The following SLC44A5 variants were observed in gnomAD, a reference collection of about 807,000 sequenced individuals.
SLC44A5 encodes solute carrier family 44 member 5, also known as choline transporter-like protein 5.
Under a neutral mutation model 101.8 loss-of-function variants are expected in SLC44A5, and 57 were observed. The observed-to-expected ratio is 0.56, with a 90% CI of 0.45 to 0.70. The LOEUF is 0.70. Among genes scored for constraint, SLC44A5 ranks in the 30% least tolerant of loss-of-function variants. The pLI is 0.00. For synonymous variants in SLC44A5, 281 were observed against 290.9 expected (o/e 0.97, Z 0.35); for missense variants, 737 against 853.1 (o/e 0.86, Z 1.70).
chr1:75,470,751 T>G (rs1667061793), intron 2 of SLC44A5, among the ~76,000 whole-genome samples: 2 of 149,518 alleles, frequency 1.3e-5, no homozygotes, highest in Non-Finnish European at 3.0e-5. Context: ...GTCGAAAAAC[T>G]GAGATAAGTA....
chr1:75,248,072 C>T (rs891116547), intron 7 of SLC44A5, among the ~76,000 whole-genome samples: 1 of 152,004 alleles, frequency 6.6e-6, no homozygotes, highest in East Asian at 1.9e-4. Flanking sequence ...TAGGGTGAGA[C>T]AGGAACCAAA....
intron 4 of SLC44A5, among the ~76,000 whole-genome samples, chr1:75,329,977 T>G (rs780897005): frequency 6.6e-6 from 1 of 151,966 alleles, no homozygotes; most frequent in Non-Finnish European, 1.5e-5. Context: ...CTGGTTCATG[T>G]AATTTAGGTA....
chr1:75,621,300 A>G, the SLC44A5 span, among the ~76,000 whole-genome samples: 3 of 152,206 alleles, frequency 2.0e-5, no homozygotes, highest in Admixed American at 6.5e-5. Flanking sequence ...CATTAGTTAC[A>G]TGTCGTATAA....
intron 1 of SLC44A5, among the ~76,000 whole-genome samples, chr1:75,552,418 C>T (rs115771591): frequency 6.6e-6 from 1 of 151,988 alleles, no homozygotes; most frequent in African/African-American, 2.4e-5. Flanking sequence ...AAATCAGTCA[C>T]TAACTTGCTT....
At chr1:75,544,607 C>T (rs1270185646) in intron 1 of SLC44A5, among the ~76,000 whole-genome samples, 1 of 152,144 alleles carries the variant, frequency 6.6e-6, no homozygotes, top group African/African-American at 2.4e-5. Flanking sequence ...GTGTTCATTT[C>T]CCAATAAAGA....
In SLC44A5 at chr1:75,572,096, T is replaced by C. The variant is rs532102782; in HGVS notation, c.-69-30580A>G. Reference sequence around the variant, plus strand: ...ATAAAGATCTTTGTGGTTTGCAAGATCTCATTCATTTTATCTCCTGTGTAC... The same window carrying C: ...ATAAAGATCTTTGTGGTTTGCAAGACCTCATTCATTTTATCTCCTGTGTAC... On this transcript the variant is annotated intron_variant, in intron 1 of 23. Transcript: ENST00000370859. 5.9e-5 allele frequency among the ~76,000 whole-genome samples: 9 copies of C among 152,342 alleles called. No homozygotes were observed. The South Asian group carries it at 1.9e-3, about 32-fold the overall frequency.
the SLC44A5 span, among the ~76,000 whole-genome samples, chr1:75,655,224 T>C: frequency 6.6e-6 from 1 of 152,142 alleles, no homozygotes; most frequent in Non-Finnish European, 1.5e-5. Context: ...GACAAAATAA[T>C]CTGTTCACCA....
chr1:75,385,748 A>T lies in SLC44A5; in HGVS notation c.52+10835T>A, dbSNP rs535706056. Among the ~76,000 whole-genome samples the T allele has an allele frequency of 2.0e-5, 3 of 152,260 alleles. No individual in the cohort carries two copies. The East Asian group carries it at 5.8e-4, about 29-fold the overall frequency. On this transcript the variant is annotated intron_variant, in intron 3 of 23. Coordinates refer to ENST00000370859, the MANE Select transcript of SLC44A5 (RefSeq NM_001130058.2). Reference sequence around the variant, plus strand: ...TCTGATACCAAAGCCGGGCAGAGACACCACCAAAAAAGAGAATTTTAGACC... The same window carrying T: ...TCTGATACCAAAGCCGGGCAGAGACTCCACCAAAAAAGAGAATTTTAGACC...
At position 75,411,930 on chromosome 1, in the gene SLC44A5, A is replaced by G. The variant is rs1383932109; in HGVS notation, c.14-15309T>C. 2.0e-5 allele frequency among the ~76,000 whole-genome samples: 3 copies of G among 152,236 alleles called. No individual in the cohort carries two copies. In the East Asian group the frequency reaches 5.8e-4, roughly 29 times the overall value. On this transcript the variant is annotated intron_variant, in intron 2 of 23. Transcript: ENST00000370859. Reference sequence around the variant, plus strand: ...GTGTAGCCCATATCCATAGATAACAATGTTCTCTGTTGAATGACAATTCGC... The same window carrying G: ...GTGTAGCCCATATCCATAGATAACAGTGTTCTCTGTTGAATGACAATTCGC...
intron 6 of SLC44A5, among the ~76,000 whole-genome samples, chr1:75,252,328 T>C (rs903011973): frequency 1.3e-5 from 2 of 152,218 alleles, no homozygotes; most frequent in African/African-American, 4.8e-5. Flanking sequence ...TATTGAGCAA[T>C]ATTTTTCCTA....
At chr1:75,635,222 T>C in the SLC44A5 span, among the ~76,000 whole-genome samples, 5 of 151,462 alleles carry the variant, frequency 3.3e-5, no homozygotes, top group African/African-American at 1.2e-4. Flanking sequence ...GACTGTAAAC[T>C]AGTTCAACCA....
intron 4 of SLC44A5, among the ~76,000 whole-genome samples, chr1:75,320,337 G>A (rs1049965084): frequency 1.3e-5 from 2 of 152,056 alleles, no homozygotes; most frequent in African/African-American, 4.8e-5. Flanking sequence ...TAAGGAAGTT[G>A]ATCATAGAAA....
At chr1:75,582,008 C>G in intron 1 of SLC44A5, 1 of 553,410 alleles carries the variant, frequency 1.8e-6, no homozygotes, top group Non-Finnish European at 3.2e-6. Flanking sequence ...TACAGTAATG[C>G]AAACAGACCA....
rs147177638 is a variant in SLC44A5 at position 75,349,391 on chromosome 1, G to A, written c.53-9761C>T. Among the ~76,000 whole-genome samples the A allele has an allele frequency of 2.8e-4, 43 of 152,242 alleles. No homozygotes were observed. The East Asian group carries it at 8.1e-3, about 29-fold the overall frequency. On this transcript the variant is annotated intron_variant, in intron 3 of 23. Transcript: ENST00000370859. The stretch of plus-strand genomic sequence containing the variant: ...TACACTGAGGATGGAATGTGAGGAT[G>A]GAATGCGATGTTCTAACAGATATCA...
At chr1:75,552,614 A>G (rs1429331637) in intron 1 of SLC44A5, among the ~76,000 whole-genome samples, 1 of 144,624 alleles carries the variant, frequency 6.9e-6, no homozygotes, top group African/African-American at 2.6e-5. Context: ...TAAAGCATAA[A>G]TTGTATGGCT....
At chr1:75,271,441 C>G (rs1321260898) in intron 6 of SLC44A5, among the ~76,000 whole-genome samples, 1 of 151,450 alleles carries the variant, frequency 6.6e-6, no homozygotes, top group African/African-American at 2.4e-5. Flanking sequence ...TCCCTCACCT[C>G]CTCATAGTCT....
intron 3 of SLC44A5, among the ~76,000 whole-genome samples, chr1:75,388,007 A>ACAATGAGAT (rs1212536534): frequency 6.8e-5 from 10 of 146,172 alleles, no homozygotes; most frequent in African/African-American, 2.5e-4. Context: ...TGGGAATTGA[A>ACAATGAGAT]CAATGAGATC....
At chr1:75,356,565 AAAGTT>A (rs1659094771) in intron 3 of SLC44A5, among the ~76,000 whole-genome samples, 1 of 152,088 alleles carries the variant, frequency 6.6e-6, no homozygotes. Context: ...AAAGTTACAG[AAAGTT>A]AAGGTTAATT....
At chr1:75,643,461 C>A in the SLC44A5 span, among the ~76,000 whole-genome samples, 1 of 152,222 alleles carries the variant, frequency 6.6e-6, no homozygotes, top group East Asian at 1.9e-4. Context: ...TATTCATTTA[C>A]ATTCTAGATT....
Sources: gnomAD v4.1 joint callset for allele counts (sites outside exome capture counted in the v4.1 genomes callset) on GRCh38, gnomAD v4.1.1 for gene constraint, MANE v1.5 for transcripts, NCBI Gene and HGNC (gene_info 2026-07-23, HGNC 2026-07-21) for gene names.